NELL1: variants seen among roughly 807,000 people sequenced by gnomAD.
NELL1 encodes protein kinase C-binding protein NELL1.
In NELL1, 76 loss-of-function variants were observed where a neutral mutation model predicts 107.4. That is an observed-to-expected ratio of 0.71 (90% CI 0.59 to 0.86). NELL1 has a LOEUF of 0.86. Ranked by LOEUF, NELL1 falls within the 40% of genes least tolerant of loss-of-function variation. NELL1 has a pLI of 0.00. For synonymous variants in NELL1, 353 were observed against 341.2 expected, an observed-to-expected ratio of 1.03 and a Z score of -0.38; for missense variants, 1,024 against 1,005.5, an observed-to-expected ratio of 1.02 and a Z score of -0.25.
intron 2 of NELL1, among the ~76,000 whole-genome samples, chr11:20,764,052 G>C (rs1004829340): frequency 6.6e-6 from 1 of 152,162 alleles, no homozygotes. Context: ...TGGGCTCTGC[G>C]TTGCCAGGTC....
At chr11:20,791,803 G>T (rs1003090354) in intron 3 of NELL1, among the ~76,000 whole-genome samples, 4 of 147,814 alleles carry the variant, frequency 2.7e-5, no homozygotes, top group Admixed American at 1.4e-4. Flanking sequence ...TCCTAGTTTG[G>T]TTAGTGTTTC....
chr11:21,392,735 T>G (rs73457940), intron 15 of NELL1, among the ~76,000 whole-genome samples: 2,646 of 151,806 alleles, frequency 0.017, 35 homozygotes, highest in East Asian at 0.065. Flanking sequence ...GTCATCCACT[T>G]TCAAAGAAAA....
intron 15 of NELL1, among the ~76,000 whole-genome samples, chr11:21,375,334 T>C (rs994212052): frequency 3.3e-5 from 5 of 152,168 alleles, no homozygotes; most frequent in Non-Finnish European, 7.4e-5. Context: ...GTTAATTGAC[T>C]TAAAATAATG....
At chr11:21,347,876 C>T (rs1850718749) in intron 14 of NELL1, among the ~76,000 whole-genome samples, 1 of 151,938 alleles carries the variant, frequency 6.6e-6, no homozygotes, top group African/African-American at 2.4e-5. Context: ...GTATGTGGAG[C>T]CAAGGGACCA....
chr11:21,338,210 G>T (rs926361457), intron 14 of NELL1, among the ~76,000 whole-genome samples: 1 of 152,270 alleles, frequency 6.6e-6, no homozygotes, highest in East Asian at 1.9e-4. Flanking sequence ...TGTGCTGTGG[G>T]AATTGATTGA....
At chr11:20,700,116 T>C (rs1470360726) in intron 2 of NELL1, among the ~76,000 whole-genome samples, 3 of 145,702 alleles carry the variant, frequency 2.1e-5, no homozygotes, top group Admixed American at 2.0e-4. Flanking sequence ...ATTACAGAAC[T>C]GTTTTTAGAA....
At chr11:21,454,917 A>G (rs1853687315) in intron 15 of NELL1, among the ~76,000 whole-genome samples, 2 of 152,244 alleles carry the variant, frequency 1.3e-5, no homozygotes, top group Admixed American at 1.3e-4. Context: ...AGGCTTCAAC[A>G]CATGAATTTG....
At chr11:20,840,869 G>A (rs137936947) in intron 3 of NELL1, among the ~76,000 whole-genome samples, 1 of 152,312 alleles carries the variant, frequency 6.6e-6, no homozygotes, top group Non-Finnish European at 1.5e-5. Flanking sequence ...TTTCCCAACA[G>A]AATATTAAGC....
intron 17 of NELL1, among the ~76,000 whole-genome samples, chr11:21,566,900 A>G (rs540405912): frequency 6.6e-6 from 1 of 152,010 alleles, no homozygotes; most frequent in Non-Finnish European, 1.5e-5. Context: ...GAAACACGTT[A>G]GAAGCTAAGA....
intron 15 of NELL1, among the ~76,000 whole-genome samples, chr11:21,489,380 C>CAGAA (rs1491301138): frequency 4.2e-5 from 2 of 47,800 alleles, no homozygotes; most frequent in Non-Finnish European, 8.1e-5. Flanking sequence ...GAAAGTATTT[C>CAGAA]AAAAAAAAAA....
At chr11:20,967,334 CTT>C (rs376816350) in intron 12 of NELL1, among the ~76,000 whole-genome samples, 3,256 of 147,192 alleles carry the variant, frequency 0.022, 118 homozygotes, top group African/African-American at 0.075. Flanking sequence ...ACTTAGGTAA[CTT>C]TTTTTTTTTA....
intron 15 of NELL1, among the ~76,000 whole-genome samples, chr11:21,372,535 C>T (rs1851379241): frequency 6.6e-6 from 1 of 151,970 alleles, no homozygotes; most frequent in Non-Finnish European, 1.5e-5. Flanking sequence ...GTGTAAGTAA[C>T]TTATGCAATT....
intron 5 of NELL1, among the ~76,000 whole-genome samples, chr11:20,904,551 A>G (rs539390772): frequency 1.3e-5 from 2 of 152,306 alleles, no homozygotes; most frequent in African/African-American, 2.4e-5. Context: ...TCTTTGGACA[A>G]TTAGAACATT....
chr11:21,132,958 C>G (rs1855658476), intron 13 of NELL1, among the ~76,000 whole-genome samples: 1 of 152,134 alleles, frequency 6.6e-6, no homozygotes, highest in Admixed American at 6.5e-5. Flanking sequence ...GACAGAACAG[C>G]TCTCAGGAGA....
At chr11:21,049,187 A>C (rs1386316104) in intron 12 of NELL1, among the ~76,000 whole-genome samples, 1 of 152,140 alleles carries the variant, frequency 6.6e-6, no homozygotes, top group African/African-American at 2.4e-5. Flanking sequence ...TGGTAATCCT[A>C]TTCCGACAGA....
At chr11:21,284,650 T>C (rs1849075761) in intron 14 of NELL1, 1 of 397,920 alleles carries the variant, frequency 2.5e-6, no homozygotes, top group South Asian at 1.8e-5. Flanking sequence ...ACAGGTTTGA[T>C]TGGTGGGGCA....
chr11:21,437,164 G>C (rs1360292418), intron 15 of NELL1, among the ~76,000 whole-genome samples: 1 of 152,004 alleles, frequency 6.6e-6, no homozygotes, highest in African/African-American at 2.4e-5. Flanking sequence ...AATATTTCTT[G>C]GATGATTTTT....
intron 2 of NELL1, among the ~76,000 whole-genome samples, chr11:20,750,833 C>T (rs1242804554): frequency 6.6e-6 from 1 of 152,106 alleles, no homozygotes; most frequent in Non-Finnish European, 1.5e-5. Flanking sequence ...AGGAATCCAC[C>T]TAATTTAGCC....
At chr11:21,571,250 C>G (rs1857095062) in intron 18 of NELL1, among the ~76,000 whole-genome samples, 1 of 151,850 alleles carries the variant, frequency 6.6e-6, no homozygotes, top group South Asian at 2.1e-4. Flanking sequence ...TTGACTAGTG[C>G]TTGTAGTCCT....
Sources: allele counts gnomAD v4.1 joint callset (sites outside exome capture counted in the v4.1 genomes callset), GRCh38; gene constraint gnomAD v4.1.1; transcripts MANE v1.5; gene names NCBI Gene and HGNC (gene_info 2026-07-23, HGNC 2026-07-21).